The following UBR1 variants were observed in gnomAD, a reference collection of about 807,000 sequenced individuals.
UBR1 encodes the protein E3 ubiquitin-protein ligase UBR1.
In UBR1, 102 loss-of-function variants were observed where a neutral mutation model predicts 242.1. That is an observed-to-expected ratio of 0.42 (90% CI 0.36 to 0.50). The LOEUF is 0.50. Among genes scored for constraint, UBR1 ranks in the 20% least tolerant of loss-of-function variants. The probability of loss-of-function intolerance (pLI) is 0.01; values close to 1 mark genes in which losing one functional copy is unlikely to be tolerated. For missense variants in UBR1, 1,772 were observed against 2,101.8 expected, an observed-to-expected ratio of 0.84 and a Z score of 3.07; for synonymous variants, 675 against 684.8, an observed-to-expected ratio of 0.99 and a Z score of 0.22.
At chr15:43,009,554 A>G (rs959287498) in intron 29 of UBR1, among the ~76,000 whole-genome samples, 1 of 152,242 alleles carries the variant, frequency 6.6e-6, no homozygotes, top group Non-Finnish European at 1.5e-5. Flanking sequence ...AAATTCTGGC[A>G]AAGGTGCCAC....
chr15:42,982,789 G>T (rs2032397005), intron 37 of UBR1, among the ~76,000 whole-genome samples: 1 of 152,164 alleles, frequency 6.6e-6, no homozygotes, highest in Non-Finnish European at 1.5e-5. Flanking sequence ...TGGATTTAAA[G>T]CGTAAAAAAT....
chr15:43,057,169 T>A (rs774205381), intron 10 of UBR1, among the ~76,000 whole-genome samples: 17 of 152,190 alleles, frequency 1.1e-4, no homozygotes, highest in Non-Finnish European at 1.9e-4. Context: ...TCATTTCAGA[T>A]CACACATATG....
chr15:42,987,932 C>A (rs1431955937), intron 35 of UBR1, among the ~76,000 whole-genome samples: 1 of 152,022 alleles, frequency 6.6e-6, no homozygotes, highest in South Asian at 2.1e-4. Flanking sequence ...TAATATTGCA[C>A]CTTGTCCCTA....
chr15:42,981,350 T>C (rs1039875064), intron 37 of UBR1, among the ~76,000 whole-genome samples: 4 of 152,228 alleles, frequency 2.6e-5, no homozygotes, highest in Non-Finnish European at 4.4e-5. Flanking sequence ...TTTGTTCAAA[T>C]GTGCCCTGTG....
chr15:42,946,113 A>AT (rs897229102), intron 46 of UBR1, among the ~76,000 whole-genome samples: 4 of 151,450 alleles, frequency 2.6e-5, no homozygotes, highest in Admixed American at 6.6e-5. Context: ...CTGGTTGGGG[A>AT]TTTTTTTTGT....
Position 42,989,945 on chromosome 15 carries a change from G to C in UBR1, c.3848+85C>G, listed in dbSNP as rs762488627. 45 of 961,774 alleles carry C rather than the reference G, an allele frequency of 4.7e-5. 1 individual carries two copies. The highest frequency in any genetic ancestry group is 7.0e-5 in the Non-Finnish European group (44 of 630,094). The allele number at this position is 961,774 out of a possible 1,614,324, so 59.6% of individuals were successfully genotyped here. On this transcript the variant is annotated intron_variant, in intron 34 of 46. Transcript: ENST00000290650. ...GATAAACTATTTTACAAATAAAAAA[G>C]TAAGGAAAGATGGAAGCCTACACTG...
chr15:43,029,805 A>G, intron 21 of UBR1, 139 bp downstream of exon 21: 2 of 907,870 alleles, frequency 2.2e-6, no homozygotes, highest in Non-Finnish European at 3.4e-6. Context: ...CCACTAAAGG[A>G]TGAAGGTGAT....
chr15:42,950,244 A>G lies in UBR1; in HGVS notation c.5108+18T>C. On this transcript the variant is annotated intron_variant, in intron 46 of 46. Coordinates refer to ENST00000290650, the MANE Select transcript of UBR1 (RefSeq NM_174916.3). The stretch of plus-strand genomic sequence containing the variant: ...GAGAACTTACTGAAACCTTCCTATT[A>G]TATAAAAAAAATCTTACTTCAGGCC... 1.2e-6 allele frequency: 2 copies of G among 1,603,670 alleles called. No individual in the cohort carries two copies. The highest frequency in any genetic ancestry group is 1.7e-6 in the Non-Finnish European group (2 of 1,170,490).
chr15:43,003,142 C>T (rs984363824), intron 31 of UBR1: 3 of 203,308 alleles, frequency 1.5e-5, no homozygotes, highest in East Asian at 1.3e-4. Flanking sequence ...AGAGATAGAA[C>T]GAGAACTTCT....
chr15:43,005,400 G>C (rs1416205745), intron 30 of UBR1, among the ~76,000 whole-genome samples: 3 of 151,018 alleles, frequency 2.0e-5, no homozygotes, highest in African/African-American at 7.3e-5. Flanking sequence ...CGCCCGGCCA[G>C]CCGCCCTGTC....
chr15:43,014,441 G>A (rs1293808998), intron 29 of UBR1, among the ~76,000 whole-genome samples: 9 of 151,718 alleles, frequency 5.9e-5, no homozygotes, highest in Non-Finnish European at 1.0e-4. Flanking sequence ...AGTGAGGAGC[G>A]CCTCTTCCCG....
chr15:43,038,971 G>T (rs1197378959), intron 15 of UBR1, among the ~76,000 whole-genome samples: 1 of 149,272 alleles, frequency 6.7e-6, no homozygotes, highest in Non-Finnish European at 1.5e-5. Context: ...TCATTAAAAA[G>T]GTACTTTTAA....
chr15:43,026,539 T>C, intron 23 of UBR1, 22 bp downstream of exon 23: 1 of 1,601,482 alleles, frequency 6.2e-7, no homozygotes, highest in Non-Finnish European at 8.6e-7. Context: ...GTTTATTTAC[T>C]GAAAAGGATA....
intron 21 of UBR1, among the ~76,000 whole-genome samples, chr15:43,029,256 T>G (rs1409232471): frequency 1.3e-5 from 2 of 152,216 alleles, no homozygotes; most frequent in East Asian, 3.8e-4. Flanking sequence ...AGACTCATAA[T>G]CTGTAGGACT....
intron 16 of UBR1, 66 bp downstream of exon 16, chr15:43,038,105 G>A (rs1028659892): frequency 1.7e-5 from 26 of 1,553,838 alleles, no homozygotes; most frequent in African/African-American, 6.8e-5. Context: ...TCTCCTTCTC[G>A]TCCATCAACC....
At chr15:43,025,313 A>G in intron 24 of UBR1, 68 bp downstream of exon 24, 1 of 1,475,962 alleles carries the variant, frequency 6.8e-7, no homozygotes. Flanking sequence ...ACAAAAAACT[A>G]TATGCTTTGC....
At chr15:42,992,185 G>A (rs1196850627) in intron 33 of UBR1, among the ~76,000 whole-genome samples, 1 of 152,060 alleles carries the variant, frequency 6.6e-6, no homozygotes, top group Non-Finnish European at 1.5e-5. Context: ...TCTTTCAAGA[G>A]TGTTTACCTT....
At chr15:43,050,518 T>C (rs1192055290) in intron 12 of UBR1, among the ~76,000 whole-genome samples, 1 of 152,156 alleles carries the variant, frequency 6.6e-6, no homozygotes, top group African/African-American at 2.4e-5. Context: ...AAGACCACCC[T>C]GGGCAACACG....
At chr15:43,089,274 C>T (rs1216135220) in intron 1 of UBR1, among the ~76,000 whole-genome samples, 1 of 152,038 alleles carries the variant, frequency 6.6e-6, no homozygotes, top group Non-Finnish European at 1.5e-5. Context: ...GGGCGGATTA[C>T]GAGGTCAGGA....
Sources: gnomAD v4.1 joint callset for allele counts (sites outside exome capture counted in the v4.1 genomes callset) on GRCh38, gnomAD v4.1.1 for gene constraint, MANE v1.5 for transcripts, NCBI Gene and HGNC (gene_info 2026-07-23, HGNC 2026-07-21) for gene names.